ANO2: variants seen among roughly 807,000 people sequenced by gnomAD.
ANO2 encodes anoctamin-2.
In ANO2, 101 loss-of-function variants were observed where a neutral mutation model predicts 124.2. The observed-to-expected ratio is 0.81, with a 90% confidence interval of 0.69 to 0.96. The LOEUF is 0.96. Among genes scored for constraint, ANO2 ranks in the 40% least tolerant of loss-of-function variants. The probability of loss-of-function intolerance (pLI) is 0.00; values close to 1 mark genes in which losing one functional copy is unlikely to be tolerated. For missense variants in ANO2, 1,293 were observed against 1,274.5 expected (o/e 1.01, Z -0.22); for synonymous variants, 486 against 482.5 (o/e 1.01, Z -0.09).
At chr12:5,913,791 A>G (rs941031578) in intron 3 of ANO2, among the ~76,000 whole-genome samples, 1 of 152,258 alleles carries the variant, frequency 6.6e-6, no homozygotes, top group Non-Finnish European at 1.5e-5. Flanking sequence ...GGCTCACAAA[A>G]GGCACTCAGA....
chr12:5,843,549 C>CA (rs879886150), intron 4 of ANO2, among the ~76,000 whole-genome samples: 385 of 145,318 alleles, frequency 2.6e-3, no homozygotes, highest in Non-Finnish European at 4.5e-3. Flanking sequence ...GATTCCATCT[C>CA]AAAAAAAAAA....
At chr12:5,844,172 A>G (rs1245475961) in intron 4 of ANO2, among the ~76,000 whole-genome samples, 1 of 152,202 alleles carries the variant, frequency 6.6e-6, no homozygotes, top group Non-Finnish European at 1.5e-5. Context: ...TACTTAAAGC[A>G]TTTGGAAAGG....
chr12:5,786,176 AGATCCT>A, intron 10 of ANO2, among the ~76,000 whole-genome samples: 1 of 152,128 alleles, frequency 6.6e-6, no homozygotes, highest in Non-Finnish European at 1.5e-5. Flanking sequence ...CCCCCCTGTG[AGATCCT>A]AGGCCCTGCC....
intron 12 of ANO2, among the ~76,000 whole-genome samples, chr12:5,743,871 T>G (rs1367123660): frequency 6.6e-6 from 1 of 152,110 alleles, no homozygotes; most frequent in Non-Finnish European, 1.5e-5. Context: ...TGCTAGGAGT[T>G]TTCAAAACAG....
At chr12:5,668,347 G>T (rs251769) in intron 14 of ANO2, among the ~76,000 whole-genome samples, 30,626 of 151,848 alleles carry the variant, frequency 0.2, 3,485 homozygotes, top group African/African-American at 0.31. Flanking sequence ...CTGCACGAAT[G>T]TCTTCTTTTG....
At chr12:5,856,090 C>T (rs189862887) in intron 3 of ANO2, among the ~76,000 whole-genome samples, 1 of 152,226 alleles carries the variant, frequency 6.6e-6, no homozygotes, top group East Asian at 1.9e-4. Flanking sequence ...TAAGCTTTTC[C>T]AACTAAGTGA....
At chr12:5,694,218 C>T (rs1048254618) in intron 14 of ANO2, among the ~76,000 whole-genome samples, 2 of 145,152 alleles carry the variant, frequency 1.4e-5, no homozygotes, top group African/African-American at 5.2e-5. Context: ...AGGATCTCTG[C>T]TTCAGTTCCT....
At chr12:5,871,741 G>T (rs1408567730) in intron 3 of ANO2, among the ~76,000 whole-genome samples, 1 of 152,136 alleles carries the variant, frequency 6.6e-6, no homozygotes, top group Non-Finnish European at 1.5e-5. Flanking sequence ...AAAAGGTTGG[G>T]GACCACTACT....
intron 13 of ANO2, among the ~76,000 whole-genome samples, chr12:5,733,790 G>A (rs2137068996): frequency 6.6e-6 from 1 of 152,362 alleles, no homozygotes; most frequent in South Asian, 2.1e-4. Flanking sequence ...TTCTCCAACT[G>A]TTGCAACATA....
intron 16 of ANO2, among the ~76,000 whole-genome samples, chr12:5,615,652 T>C (rs1428410873): frequency 3.3e-5 from 5 of 152,146 alleles, no homozygotes; most frequent in Non-Finnish European, 7.4e-5. Context: ...TTTTCACCTG[T>C]GTCATTTCCA....
At chr12:5,774,395 T>C (rs1472564079) in intron 10 of ANO2, among the ~76,000 whole-genome samples, 2 of 152,170 alleles carry the variant, frequency 1.3e-5, no homozygotes, top group Non-Finnish European at 2.9e-5. Context: ...GAGCCTGAGA[T>C]GGGGAGGTTG....
At chr12:5,688,830 T>C (rs1948808770) in intron 14 of ANO2, among the ~76,000 whole-genome samples, 1 of 141,060 alleles carries the variant, frequency 7.1e-6, no homozygotes, top group African/African-American at 2.8e-5. Context: ...TTTTTTTTTT[T>C]GGTCGGAGCT....
chr12:5,866,266 G>A (rs1216452024), intron 3 of ANO2, among the ~76,000 whole-genome samples: 1 of 152,142 alleles, frequency 6.6e-6, no homozygotes, highest in Non-Finnish European at 1.5e-5. Context: ...GGAAGTCCTG[G>A]GTCAGCAAGG....
chr12:5,564,160 T>C (rs1941612885), intron 24 of ANO2, among the ~76,000 whole-genome samples: 1 of 152,204 alleles, frequency 6.6e-6, no homozygotes, highest in African/African-American at 2.4e-5. Context: ...TCTCAGTCAC[T>C]GCAGCCACCT....
chr12:5,627,523 G>C (rs1392975554), intron 16 of ANO2, among the ~76,000 whole-genome samples: 1 of 152,182 alleles, frequency 6.6e-6, no homozygotes, highest in Non-Finnish European at 1.5e-5. Context: ...CCGCTGCAGA[G>C]AGCAGACCCC....
At chr12:5,897,976 T>C (rs1480971489) in intron 3 of ANO2, among the ~76,000 whole-genome samples, 8 of 152,082 alleles carry the variant, frequency 5.3e-5, no homozygotes, top group Admixed American at 3.3e-4. Flanking sequence ...GAAGAAGATA[T>C]TTGCAAAATA....
intron 19 of ANO2, among the ~76,000 whole-genome samples, chr12:5,608,021 G>C (rs576070010): frequency 6.6e-5 from 10 of 152,106 alleles, no homozygotes; most frequent in African/African-American, 2.4e-4. Context: ...CAGGAAACCT[G>C]TCCCCTGTGC....
chr12:5,637,149 C>T (rs1946066342), intron 15 of ANO2, among the ~76,000 whole-genome samples: 1 of 152,126 alleles, frequency 6.6e-6, no homozygotes, highest in African/African-American at 2.4e-5. Flanking sequence ...AAAACCTGGA[C>T]ATGACATCAC....
At chr12:5,739,491 C>A in intron 12 of ANO2, 92 bp from the exon 13 acceptor site, 1 of 1,066,478 alleles carries the variant, frequency 9.4e-7, no homozygotes, top group Non-Finnish European at 1.4e-6. Context: ...GGGGGATAAG[C>A]TATTTTAAAT....
Sources: gnomAD v4.1 joint callset for allele counts (sites outside exome capture counted in the v4.1 genomes callset) on GRCh38, gnomAD v4.1.1 for gene constraint, MANE v1.5 for transcripts, NCBI Gene and HGNC (gene_info 2026-07-23, HGNC 2026-07-21) for gene names.